Variants in SLC1A2 observed in about 807,000 individuals in gnomAD.
SLC1A2 encodes solute carrier family 1 member 2.
In SLC1A2, 15 loss-of-function variants were observed where a neutral mutation model predicts 48.8. The ratio of observed to expected loss-of-function variants is 0.31; its 90% confidence interval spans 0.21 to 0.47. The LOEUF is 0.47. Among genes scored for constraint, SLC1A2 ranks in the 20% least tolerant of loss-of-function variants. SLC1A2 has a pLI of 0.99. For synonymous variants in SLC1A2, 279 were observed against 272.6 expected (o/e 1.02, Z -0.23); for missense variants, 502 against 730.5 (o/e 0.69, Z 3.61).
In SLC1A2 at chr11:35,254,058, AT is replaced by A. The variant is rs1385610543; in HGVS notation, c.*6835del. ...GAGGAATTTGTGGATTTAGGGTGCA[AT>A]ACTGATCAGAGGGCAATATATTGTC... On this transcript the variant is annotated 3_prime_UTR_variant, in exon 11 of 11. Coordinates refer to ENST00000278379, the MANE Select transcript of SLC1A2 (RefSeq NM_004171.4). 1.3e-5 allele frequency: 2 copies of A among 152,534 alleles called. No homozygotes were observed. The highest frequency in any genetic ancestry group is 2.9e-5 in the Non-Finnish European group (2 of 68,032). The allele number at this position is 152,534 out of a possible 1,614,324, so 9.4% of individuals were successfully genotyped here.
At chr11:35,341,368 C>A (rs1464005144) in intron 1 of SLC1A2, among the ~76,000 whole-genome samples, 1 of 152,198 alleles carries the variant, frequency 6.6e-6, no homozygotes, top group Non-Finnish European at 1.5e-5. Flanking sequence ...CTACCAGCTG[C>A]ATAGCAACCC....
intron 4 of SLC1A2, among the ~76,000 whole-genome samples, chr11:35,309,408 C>A (rs3794085): frequency 6.6e-6 from 1 of 152,172 alleles, no homozygotes; most frequent in Admixed American, 6.5e-5. Flanking sequence ...AGAACCCATG[C>A]GGTCTCTATT....
intron 1 of SLC1A2, among the ~76,000 whole-genome samples, chr11:35,344,238 T>A (rs1852947970): frequency 6.6e-6 from 1 of 152,162 alleles, no homozygotes; most frequent in Admixed American, 6.5e-5. Flanking sequence ...ACAAACAATG[T>A]CATATGGAAT....
At chr11:35,314,482 A>G (rs1246418525) in intron 3 of SLC1A2, among the ~76,000 whole-genome samples, 2 of 152,198 alleles carry the variant, frequency 1.3e-5, no homozygotes, top group African/African-American at 4.8e-5. Flanking sequence ...TGGGAGGCTG[A>G]GGCGGGTGGA....
rs1950313260 is a variant in SLC1A2 at position 35,256,272 on chromosome 11, G to A, written c.*4622C>T. Reference sequence around the variant, plus strand: ...ACAAAGTTGGATACTATTTAATCAAGATTCTCTGTTATCTATTTTAAAACC... The same window carrying A: ...ACAAAGTTGGATACTATTTAATCAAAATTCTCTGTTATCTATTTTAAAACC... On this transcript the variant is annotated 3_prime_UTR_variant, in exon 11 of 11. Transcript: ENST00000278379. 1 of 152,192 alleles carries A rather than the reference G, an allele frequency of 6.6e-6. No homozygotes were observed. Among genetic ancestry groups the A allele is most frequent in the Non-Finnish European group, 1.5e-5 (1 of 68,030 alleles). The allele number at this position is 152,192 out of a possible 1,614,324, so 9.4% of individuals were successfully genotyped here.
intron 1 of SLC1A2, among the ~76,000 whole-genome samples, chr11:35,383,274 A>G (rs1167768988): frequency 6.6e-6 from 1 of 152,196 alleles, no homozygotes. Context: ...CAGTAATGGG[A>G]CCTGGGTAAA....
intron 9 of SLC1A2, among the ~76,000 whole-genome samples, chr11:35,273,795 G>GC (rs1473798830): frequency 5.3e-5 from 8 of 152,226 alleles, no homozygotes; most frequent in Non-Finnish European, 1.0e-4. Flanking sequence ...GAAGGGGCAG[G>GC]ACCAGGATGG....
At chr11:35,295,139 C>T (rs938141915) in intron 6 of SLC1A2, among the ~76,000 whole-genome samples, 1 of 152,144 alleles carries the variant, frequency 6.6e-6, no homozygotes, top group African/African-American at 2.4e-5. Flanking sequence ...CCTTGACCTC[C>T]TGGGCTCAAG....
intron 2 of SLC1A2, chr11:35,316,474 C>G (rs1170637672): frequency 1.3e-5 from 2 of 152,182 alleles, no homozygotes; most frequent in Non-Finnish European, 2.9e-5. Context: ...AAAACCTAAC[C>G]ATGCCTGTGG....
In SLC1A2 at chr11:35,317,390, G is replaced by A. The variant is rs1851917401; in HGVS notation, c.144C>T (p.Thr48=). ...CDKLGKNLLL[T]LTVFGVILGA... Reference sequence around the variant, plus strand: ...GCAGGTACCTACCAAACACCGTCAGGGTGAGCAGCAGATTCTTCCCCAGCT... The same window carrying A: ...GCAGGTACCTACCAAACACCGTCAGAGTGAGCAGCAGATTCTTCCCCAGCT... Residue 48 remains threonine (T), a synonymous_variant, in exon 2 of 11, where the codon ACC becomes ACT. Transcript: ENST00000278379. 1.2e-6 allele frequency: 2 copies of A among 1,613,912 alleles called. No individual in the cohort carries two copies. The highest frequency in any genetic ancestry group is 1.7e-6 in the Non-Finnish European group (2 of 1,179,944).
At chr11:35,357,075 G>T (rs183120729) in intron 1 of SLC1A2, among the ~76,000 whole-genome samples, 95 of 151,770 alleles carry the variant, frequency 6.3e-4, no homozygotes, top group Non-Finnish European at 9.6e-4. Context: ...CCCCGTCTCT[G>T]TTAAAACTAC....
At chr11:35,287,059 A>T in intron 7 of SLC1A2, 108 bp from the exon 8 acceptor site, 1 of 867,382 alleles carries the variant, frequency 1.2e-6, no homozygotes, top group Non-Finnish European at 1.8e-6. Context: ...GTTTTGTGTC[A>T]ATCAAGCAAT....
At chr11:35,335,172 G>A (rs1852582790) in intron 1 of SLC1A2, among the ~76,000 whole-genome samples, 1 of 152,098 alleles carries the variant, frequency 6.6e-6, no homozygotes, top group Non-Finnish European at 1.5e-5. Context: ...ATTGATGGGG[G>A]GGAAGTGTGT....
intron 1 of SLC1A2, among the ~76,000 whole-genome samples, chr11:35,355,314 A>T (rs915392697): frequency 6.6e-6 from 1 of 152,216 alleles, no homozygotes; most frequent in Non-Finnish European, 1.5e-5. Flanking sequence ...GAATCTCAGC[A>T]TCAGAGAGAC....
chr11:35,289,292 G>C (rs1850921069), intron 7 of SLC1A2, among the ~76,000 whole-genome samples: 1 of 144,906 alleles, frequency 6.9e-6, no homozygotes, highest in Non-Finnish European at 1.5e-5. Flanking sequence ...GGCTGTCCCT[G>C]GGTTTTACAT....
intron 10 of SLC1A2, among the ~76,000 whole-genome samples, chr11:35,263,772 C>A (rs1234561769): frequency 6.6e-6 from 1 of 152,192 alleles, no homozygotes; most frequent in Non-Finnish European, 1.5e-5. Flanking sequence ...ATTATACATT[C>A]TTTTTGCTGT....
intron 1 of SLC1A2, among the ~76,000 whole-genome samples, chr11:35,357,129 T>C (rs992723832): frequency 6.6e-6 from 1 of 151,972 alleles, no homozygotes; most frequent in Non-Finnish European, 1.5e-5. Flanking sequence ...TGGTGGCACA[T>C]GTCTGTAAAC....
chr11:35,275,056 A>G (rs1850398080), intron 9 of SLC1A2, among the ~76,000 whole-genome samples: 1 of 152,194 alleles, frequency 6.6e-6, no homozygotes, highest in Non-Finnish European at 1.5e-5. Context: ...GGAACTTGCT[A>G]GAAATGTCAA....
At chr11:35,376,393 A>C (rs1042806804) in intron 1 of SLC1A2, among the ~76,000 whole-genome samples, 2 of 152,156 alleles carry the variant, frequency 1.3e-5, no homozygotes, top group Non-Finnish European at 2.9e-5. Context: ...TTGCAAAGTT[A>C]ATTTCTTAGT....
Sources: gnomAD v4.1 joint callset for allele counts (sites outside exome capture counted in the v4.1 genomes callset) on GRCh38, gnomAD v4.1.1 for gene constraint, MANE v1.5 for transcripts, NCBI Gene and HGNC (gene_info 2026-07-23, HGNC 2026-07-21) for gene names.